Variants in TAF3 observed in about 807,000 individuals in gnomAD.
TAF3 encodes TATA-box binding protein associated factor 3.
A neutral mutation model predicts 80.6 loss-of-function variants in TAF3; 7 were observed. That is an observed-to-expected ratio of 0.09 (90% CI 0.05 to 0.16). The LOEUF (loss-of-function observed/expected upper bound fraction) is 0.16. Ranked by LOEUF, TAF3 falls within the 10% of genes least tolerant of loss-of-function variation. The pLI is 1.00. For synonymous variants in TAF3, 444 were observed against 446.1 expected, an observed-to-expected ratio of 1.00 and a Z score of 0.06; for missense variants, 921 against 1,140.2, an observed-to-expected ratio of 0.81 and a Z score of 2.77.
At position 8,016,238 on chromosome 10, in the gene TAF3, C is replaced by A. The variant is rs567727651; in HGVS notation, c.*1487C>A. On this transcript the variant is annotated 3_prime_UTR_variant, in exon 7 of 7. Coordinates refer to ENST00000344293, the MANE Select transcript of TAF3 (RefSeq NM_031923.4). ...TGGATGCTAGAATATGGGCTTTGAA[C>A]CTAATACAAATATATTACTAGAAAA... 6.6e-6 allele frequency: 1 copy of A among 152,010 alleles called. No homozygotes were observed. The highest frequency in any genetic ancestry group is 1.5e-5 in the Non-Finnish European group (1 of 68,022). The allele number at this position is 152,010 out of a possible 1,614,324, so 9.4% of individuals were successfully genotyped here.
intron 4 of TAF3, among the ~76,000 whole-genome samples, chr10:7,992,754 A>C (rs1460677344): frequency 1.3e-5 from 2 of 152,192 alleles, no homozygotes; most frequent in Non-Finnish European, 2.9e-5. Context: ...CATATTACCA[A>C]CTTCTAAAAA....
chr10:7,946,459 C>T (rs181424709), intron 2 of TAF3, among the ~76,000 whole-genome samples: 2 of 152,368 alleles, frequency 1.3e-5, no homozygotes, highest in African/African-American at 4.8e-5. Flanking sequence ...CACCATGGCT[C>T]ATGCCTGTAA....
At chr10:7,981,007 G>T (rs531069789) in intron 4 of TAF3, among the ~76,000 whole-genome samples, 1 of 152,244 alleles carries the variant, frequency 6.6e-6, no homozygotes, top group East Asian at 1.9e-4. Context: ...AGGGACAGGG[G>T]CTGTTTGGAT....
At chr10:7,867,886 C>T (rs541055178) in intron 2 of TAF3, among the ~76,000 whole-genome samples, 9 of 151,984 alleles carry the variant, frequency 5.9e-5, no homozygotes, top group Admixed American at 1.3e-4. Context: ...TGTAAACGGT[C>T]GATTAACACG....
At chr10:7,916,556 T>C (rs1588551183) in intron 2 of TAF3, among the ~76,000 whole-genome samples, 1 of 152,230 alleles carries the variant, frequency 6.6e-6, no homozygotes, top group Non-Finnish European at 1.5e-5. Context: ...ACACATAATT[T>C]TCTTTTTAAT....
At chr10:7,998,288 T>G (rs886966448) in intron 4 of TAF3, among the ~76,000 whole-genome samples, 3 of 146,322 alleles carry the variant, frequency 2.1e-5, no homozygotes, top group African/African-American at 7.5e-5. Context: ...TATATATAAA[T>G]TTAAAAGGGG....
chr10:7,978,574 T>A (rs539221582), intron 4 of TAF3, among the ~76,000 whole-genome samples: 5 of 152,340 alleles, frequency 3.3e-5, no homozygotes, highest in African/African-American at 1.2e-4. Context: ...GATTCAGTGC[T>A]TTTGAAACCA....
chr10:7,843,212 A>G lies in TAF3; in HGVS notation c.409+18652A>G, dbSNP rs758294382. Among the ~76,000 whole-genome samples, 213 of 151,950 alleles carry G rather than the reference A, an allele frequency of 1.4e-3. 1 individual carries two copies. The highest frequency in any genetic ancestry group is 2.1e-3 in the Non-Finnish European group (146 of 67,944). On this transcript the variant is annotated intron_variant, in intron 2 of 6. Transcript: ENST00000344293. ...AGCCTCAAATTCCCAGACTCAAGCA[A>G]TCCTCCCACCTCAGCCTCCTTAGTA...
intron 2 of TAF3, among the ~76,000 whole-genome samples, chr10:7,933,105 A>T (rs1837884681): frequency 6.6e-6 from 1 of 152,220 alleles, no homozygotes; most frequent in African/African-American, 2.4e-5. Context: ...AAACAAAAAA[A>T]AAAATACCTG....
At chr10:7,825,856 C>T (rs1836735497) in intron 2 of TAF3, among the ~76,000 whole-genome samples, 1 of 151,810 alleles carries the variant, frequency 6.6e-6, no homozygotes, top group Non-Finnish European at 1.5e-5. Flanking sequence ...TTTTTTGGGT[C>T]TGTACCTTGA....
intron 2 of TAF3, among the ~76,000 whole-genome samples, chr10:7,860,185 T>C (rs1166318653): frequency 1.3e-5 from 2 of 151,610 alleles, no homozygotes; most frequent in Non-Finnish European, 2.9e-5. Flanking sequence ...AGTGGGAGGA[T>C]TGCTGAAGCC....
intron 2 of TAF3, among the ~76,000 whole-genome samples, chr10:7,827,974 A>G (rs1007979103): frequency 6.6e-6 from 1 of 152,024 alleles, no homozygotes; most frequent in South Asian, 2.1e-4. Flanking sequence ...AAAACACATG[A>G]CAGCGAATAT....
At chr10:7,878,864 A>G (rs1837334210) in intron 2 of TAF3, among the ~76,000 whole-genome samples, 1 of 151,870 alleles carries the variant, frequency 6.6e-6, no homozygotes, top group Admixed American at 6.6e-5. Flanking sequence ...AGTAGCTGGG[A>G]CCACAGGCAC....
At chr10:7,994,554 G>A (rs1337181470) in intron 4 of TAF3, among the ~76,000 whole-genome samples, 1 of 152,044 alleles carries the variant, frequency 6.6e-6, no homozygotes. Flanking sequence ...TCACTGTGTT[G>A]CCCAGGCTGG....
chr10:8,004,819 A>G (rs1831976784), intron 4 of TAF3, among the ~76,000 whole-genome samples: 1 of 152,162 alleles, frequency 6.6e-6, no homozygotes, highest in Non-Finnish European at 1.5e-5. Flanking sequence ...GTGGATTGGT[A>G]TCTTTCGTCA....
chr10:7,985,827 A>G (rs1588577119), intron 4 of TAF3, among the ~76,000 whole-genome samples: 1 of 127,746 alleles, frequency 7.8e-6, no homozygotes, highest in Admixed American at 9.9e-5. Context: ...TCTGTGGCCC[A>G]GGCTGAAGTG....
chr10:7,984,836 C>A (rs1588576778), intron 4 of TAF3, among the ~76,000 whole-genome samples: 1 of 152,272 alleles, frequency 6.6e-6, no homozygotes, highest in South Asian at 2.1e-4. Flanking sequence ...ATCATGGAAA[C>A]CTTTTGGATG....
chr10:7,957,123 G>T (rs1838143491), intron 2 of TAF3, among the ~76,000 whole-genome samples: 1 of 152,174 alleles, frequency 6.6e-6, no homozygotes, highest in Non-Finnish European at 1.5e-5. Context: ...AGCACAAGCG[G>T]AAAAGGTGAC....
chr10:7,894,796 G>T (rs1837490720), intron 2 of TAF3, among the ~76,000 whole-genome samples: 1 of 152,164 alleles, frequency 6.6e-6, no homozygotes, highest in African/African-American at 2.4e-5. Flanking sequence ...AGGATGGATG[G>T]TGTTTTGACT....
Sources: gnomAD v4.1 joint callset for allele counts (sites outside exome capture counted in the v4.1 genomes callset) on GRCh38, gnomAD v4.1.1 for gene constraint, MANE v1.5 for transcripts, NCBI Gene and HGNC (gene_info 2026-07-23, HGNC 2026-07-21) for gene names.